The following DYNC2LI1 variants were observed in gnomAD, a reference collection of about 807,000 sequenced individuals.
The protein encoded by DYNC2LI1 is dynein cytoplasmic 2 light intermediate chain 1.
In DYNC2LI1, 45 loss-of-function variants were observed where a neutral mutation model predicts 51.9. The ratio of observed to expected loss-of-function variants is 0.87; its 90% CI spans 0.68 to 1.11. The LOEUF is 1.11. DYNC2LI1 is among the 50% of genes most tolerant of loss of function. The pLI is 0.00. For missense variants in DYNC2LI1, 490 were observed against 417.4 expected (o/e 1.17, Z -1.51); for synonymous variants, 130 against 137.8 (o/e 0.94, Z 0.40).
At chr2:43,823,352 A>C in the DYNC2LI1 span, among the ~76,000 whole-genome samples, 2 of 141,858 alleles carry the variant, frequency 1.4e-5, no homozygotes, top group African/African-American at 5.3e-5. Context: ...CCACAGATGC[A>C]GACACTTAGC....
At chr2:43,799,595 A>G (rs1399670557) in intron 8 of DYNC2LI1, among the ~76,000 whole-genome samples, 1 of 152,226 alleles carries the variant, frequency 6.6e-6, no homozygotes, top group African/African-American at 2.4e-5. Context: ...ACAATGAATT[A>G]TTTGGGGAGA....
At chr2:43,785,504 C>A (rs1461117599) in intron 3 of DYNC2LI1, among the ~76,000 whole-genome samples, 1 of 151,768 alleles carries the variant, frequency 6.6e-6, no homozygotes, top group Non-Finnish European at 1.5e-5. Context: ...GAGGCCGAGG[C>A]GGGCATATCA....
At position 43,789,671 on chromosome 2, in the gene DYNC2LI1, A is replaced by T. The variant is rs1304360324; in HGVS notation, c.270A>T (p.Gly90=). 6.2e-7 allele frequency: 1 copy of T among 1,613,906 alleles called. No individual in the cohort carries two copies. Among genetic ancestry groups the T allele is most frequent in the Non-Finnish European group, 8.5e-7 (1 of 1,179,900 alleles). Residue 90 remains glycine (G), a synonymous_variant, in exon 5 of 13, where the codon GGA becomes GGT. Transcript: ENST00000260605. ...CTCACTTTTGGGAACTCGGTGGAGGAACCTCTTTATTGGACTTAATCAGCA... is the reference window on the plus strand; with the variant it reads ...CTCACTTTTGGGAACTCGGTGGAGGTACCTCTTTATTGGACTTAATCAGCA... ...DIAHFWELGG[G]TSLLDLISIP...
the DYNC2LI1 span, among the ~76,000 whole-genome samples, chr2:43,816,949 A>C: frequency 6.6e-6 from 1 of 152,214 alleles, no homozygotes; most frequent in Non-Finnish European, 1.5e-5. Context: ...AGCAAAGCTA[A>C]TTTCCTTTGT....
downstream of DYNC2LI1, among the ~76,000 whole-genome samples, chr2:43,810,179 G>A (rs1463529230): frequency 6.6e-6 from 1 of 152,190 alleles, no homozygotes; most frequent in Non-Finnish European, 1.5e-5. Flanking sequence ...GGAGGAAACC[G>A]GAATTGGGTT....
downstream of DYNC2LI1, chr2:43,813,390 A>C: frequency 1.0e-6 from 1 of 978,564 alleles, no homozygotes; most frequent in Admixed American, 2.0e-5. Context: ...AGCGCTTGCT[A>C]AGTACCCTTA....
In DYNC2LI1 at chr2:43,794,501, A is replaced by G. The variant is rs1447069959; in HGVS notation, c.365A>G (p.Asp122Gly). The G allele has an allele frequency of 6.2e-7, 1 of 1,613,932 alleles. No individual in the cohort carries two copies. Among genetic ancestry groups the G allele is most frequent in the Admixed American group, 1.7e-5 (1 of 60,010 alleles). The change falls in exon 6 of 13, where the codon GAT becomes GGT. Residue 122 changes from aspartate (D) to glycine (G), a missense_variant. Transcript: ENST00000260605. The part of the protein sequence containing the change: ...VLVLDLSKPN[D>G]LWPTMENLLQ... ...GTTCTGGATCTTTCAAAACCTAATG[A>G]TCTCTGGCCCACCATGGAAAATCTC...
chr2:43,806,006 G>C (rs1276208160), intron 12 of DYNC2LI1, among the ~76,000 whole-genome samples: 2 of 151,460 alleles, frequency 1.3e-5, no homozygotes, highest in African/African-American at 4.9e-5. Context: ...TCAGCCTCCT[G>C]AGTGGCTGGG....
intron 2 of DYNC2LI1, among the ~76,000 whole-genome samples, chr2:43,781,159 G>T (rs1174777450): frequency 1.3e-5 from 2 of 152,086 alleles, no homozygotes; most frequent in East Asian, 3.9e-4. Context: ...TTGAGGCCAG[G>T]AGTTCAAGAC....
downstream of DYNC2LI1, chr2:43,810,640 G>A (rs1300947207): frequency 2.1e-6 from 1 of 474,792 alleles, no homozygotes; most frequent in Admixed American, 6.4e-5. Context: ...AGGGAGTACT[G>A]TCTGAGCAGA....
intron 2 of DYNC2LI1, among the ~76,000 whole-genome samples, chr2:43,780,448 G>A (rs183171985): frequency 3.9e-5 from 6 of 152,278 alleles, no homozygotes; most frequent in South Asian, 2.1e-4. Flanking sequence ...AAACTGATAC[G>A]AGCCTCTGAG....
chr2:43,808,830 C>A (rs1666370286), intron 12 of DYNC2LI1, among the ~76,000 whole-genome samples: 1 of 152,140 alleles, frequency 6.6e-6, no homozygotes, highest in South Asian at 2.1e-4. Flanking sequence ...TTAATCAGTC[C>A]TTACTGGGGG....
At chr2:43,824,482 A>T in the DYNC2LI1 span, 4 of 1,602,930 alleles carry the variant, frequency 2.5e-6, no homozygotes, top group South Asian at 3.3e-5. Flanking sequence ...AAATGCATGT[A>T]TGTACATGGA....
chr2:43,785,077 C>A (rs564495632), intron 3 of DYNC2LI1, among the ~76,000 whole-genome samples: 1 of 151,892 alleles, frequency 6.6e-6, no homozygotes, highest in African/African-American at 2.4e-5. Flanking sequence ...GCAGGCGGAT[C>A]GCTTGAACTC....
At chr2:43,777,299 G>T (rs1241060409) in intron 2 of DYNC2LI1, among the ~76,000 whole-genome samples, 1 of 152,126 alleles carries the variant, frequency 6.6e-6, no homozygotes, top group African/African-American at 2.4e-5. Flanking sequence ...TTGTTACAGG[G>T]TTATTAATTA....
chr2:43,790,327 A>G (rs1338122296), intron 5 of DYNC2LI1, among the ~76,000 whole-genome samples: 1 of 152,210 alleles, frequency 6.6e-6, no homozygotes, highest in African/African-American at 2.4e-5. Flanking sequence ...GTTCCTGGGA[A>G]CTGGTCTTAG....
At chr2:43,782,155 T>G (rs1283473913) in intron 2 of DYNC2LI1, among the ~76,000 whole-genome samples, 1 of 152,174 alleles carries the variant, frequency 6.6e-6, no homozygotes, top group East Asian at 1.9e-4. Context: ...TAGCTGTATA[T>G]TATTCTATTA....
chr2:43,789,287 T>C (rs1371674830), intron 4 of DYNC2LI1, among the ~76,000 whole-genome samples: 6 of 152,224 alleles, frequency 3.9e-5, no homozygotes, highest in African/African-American at 1.4e-4. Context: ...TTCCAAAAGA[T>C]AATACGAAAT....
downstream of DYNC2LI1, among the ~76,000 whole-genome samples, chr2:43,813,626 G>T (rs554478312): frequency 1.9e-4 from 28 of 144,798 alleles, no homozygotes; most frequent in African/African-American, 6.9e-4. Context: ...ACTAAATTCA[G>T]CCATATTCTT....
Sources: gnomAD v4.1 joint callset for allele counts (sites outside exome capture counted in the v4.1 genomes callset) on GRCh38, gnomAD v4.1.1 for gene constraint, MANE v1.5 for transcripts, NCBI Gene and HGNC (gene_info 2026-07-23, HGNC 2026-07-21) for gene names.